The following MPZL1 variants were observed in gnomAD, a reference collection of about 807,000 sequenced individuals.
MPZL1 encodes the protein myelin protein zero-like protein 1.
MPZL1 carries 16 observed loss-of-function variants against 29.3 expected under a neutral mutation model. That is an observed-to-expected ratio of 0.55 (90% CI 0.37 to 0.83). The LOEUF (loss-of-function observed/expected upper bound fraction) is 0.83, where lower values mean the gene tolerates loss of function less well. Among genes scored for constraint, MPZL1 ranks in the 40% least tolerant of loss-of-function variants. The pLI, the probability that MPZL1 is intolerant of heterozygous loss-of-function variation, is 0.00. For synonymous variants in MPZL1, 143 were observed against 132.0 expected, an observed-to-expected ratio of 1.08 and a Z score of -0.57; for missense variants, 279 against 332.9, an observed-to-expected ratio of 0.84 and a Z score of 1.26.
rs1661621820 is a variant in MPZL1 at position 167,787,887 on chromosome 1, A to C, written c.776A>C (p.Glu259Ala). The C allele has an allele frequency of 6.2e-7, 1 of 1,613,566 alleles. No homozygotes were observed. The highest frequency in any genetic ancestry group is 8.5e-7 in the Non-Finnish European group (1 of 1,179,542). The change falls in exon 6 of 6, where the codon GAG becomes GCG. Residue 259 changes from glutamate (E) to alanine (A), a missense_variant. Glu to Ala is a moderately radical substitution (Grantham distance 107). Coordinates refer to ENST00000359523, the MANE Select transcript of MPZL1 (RefSeq NM_003953.6). ...GHHSDKINKSESVVYADIRKN is the reference protein window; with the variant it reads ...GHHSDKINKSASVVYADIRKN ...CACAGTGACAAGATTAACAAGTCAG[A>C]GTCTGTGGTGTATGCGGATATCCGA...
intron 1 of MPZL1, among the ~76,000 whole-genome samples, chr1:167,754,699 A>G (rs1660831478): frequency 6.6e-6 from 1 of 152,212 alleles, no homozygotes. Context: ...TTATTGTATA[A>G]TAGCATCGTA....
intron 1 of MPZL1, among the ~76,000 whole-genome samples, chr1:167,746,770 G>A (rs79708193): frequency 0.01 from 1,522 of 152,164 alleles, 30 homozygotes; most frequent in African/African-American, 0.035. Context: ...GCTGTTTTTG[G>A]CTTTTTCCTA....
At position 167,773,346 on chromosome 1, in the gene MPZL1, A is replaced by T. The variant is rs1259440402; in HGVS notation, c.583A>T (p.Asn195Tyr). 6 of 1,613,782 alleles carry T rather than the reference A, an allele frequency of 3.7e-6. No homozygotes were observed. Among genetic ancestry groups the T allele is most frequent in the Non-Finnish European group, 5.1e-6 (6 of 1,179,912 alleles). The change falls in exon 4 of 6, where the codon AAC becomes TAC. Residue 195 changes from asparagine to tyrosine, a missense_variant. Transcript: ENST00000359523. ...MILAVLYRRK[N>Y]SKRDYTGCST... ...TCTGGCTGTCCTCTATAGAAGGAAA[A>T]ACTCTAAACGGGATTACACTGGGTA...
At chr1:167,752,700 C>T (rs1345047877) in intron 1 of MPZL1, among the ~76,000 whole-genome samples, 1 of 152,172 alleles carries the variant, frequency 6.6e-6, no homozygotes, top group Non-Finnish European at 1.5e-5. Flanking sequence ...AGTGATGAAT[C>T]AGTGCTGATT....
chr1:167,773,361 T>C lies in MPZL1; in HGVS notation c.598T>C (p.Tyr200His). ...TAGAAGGAAAAACTCTAAACGGGATTACACTGGGTAAGAAACACTGTTTTT... is the reference window on the plus strand; with the variant it reads ...TAGAAGGAAAAACTCTAAACGGGATCACACTGGGTAAGAAACACTGTTTTT... ...LYRRKNSKRD[Y>H]TGCSTSESLS... The change falls in exon 4 of 6, where the codon TAC (tyrosine) becomes CAC (histidine). Residue 200 changes from tyrosine (Y) to histidine (H), a missense_variant. By Grantham distance (83) the Tyr-to-His change is moderately conservative (BLOSUM62 2). Transcript: ENST00000359523. The C allele has an allele frequency of 6.2e-7, 1 of 1,613,464 alleles. No homozygotes were observed. The highest frequency in any genetic ancestry group is 1.3e-5 in the African/African-American group (1 of 75,016).
At chr1:167,777,614 T>C (rs915269366) in intron 5 of MPZL1, among the ~76,000 whole-genome samples, 1 of 152,112 alleles carries the variant, frequency 6.6e-6, no homozygotes, top group Admixed American at 6.5e-5. Flanking sequence ...ACTTCAGAGA[T>C]TTGGAGCGGG....
At position 167,772,443 on chromosome 1, in the gene MPZL1, A is replaced by G. The variant is rs938557451; in HGVS notation, c.427A>G (p.Ile143Val). Residue 143 changes from isoleucine (I) to valine (V), a missense_variant, in exon 3 of 6, where the codon ATC becomes GTC. By Grantham distance (29) the Ile-to-Val change is conservative (BLOSUM62 3). Coordinates refer to ENST00000359523, the MANE Select transcript of MPZL1 (RefSeq NM_003953.6). ...YICDVKNPPD[I>V]VVQPGHIRLY... ...CTGTGATGTCAAAAACCCTCCTGAC[A>G]TCGTTGTCCAGCCTGGACACATTAG... is the stretch of plus-strand genomic sequence containing the variant. The G allele has an allele frequency of 1.2e-6, 2 of 1,614,202 alleles. No homozygotes were observed. Among genetic ancestry groups the G allele is most frequent in the Non-Finnish European group, 1.7e-6 (2 of 1,180,030 alleles).
chr1:167,774,742 G>C (rs1195781525), intron 4 of MPZL1: 2 of 152,092 alleles, frequency 1.3e-5, no homozygotes, highest in African/African-American at 2.4e-5. Flanking sequence ...TGGTGTGCTG[G>C]GATCAGATCC....
chr1:167,790,822 A>T lies in MPZL1; in HGVS notation c.*2901A>T, dbSNP rs1480448509. 6.6e-6 allele frequency: 1 copy of T among 152,036 alleles called. No individual in the cohort carries two copies. Among genetic ancestry groups the T allele is most frequent in the African/African-American group, 2.4e-5 (1 of 41,372 alleles). The allele number at this position is 152,036 out of a possible 1,614,324, so 9.4% of individuals were successfully genotyped here. A position where few individuals can be genotyped will look rare whatever the true frequency, so the allele number is the denominator to read the frequency against. On this transcript the variant is annotated 3_prime_UTR_variant, in exon 6 of 6. Coordinates refer to ENST00000359523, the MANE Select transcript of MPZL1 (RefSeq NM_003953.6). ...TTTAATACATCTTTTTCAATTTCTG[A>T]ATTGTGTTGTGTGCTCATTTTGACC...
intron 1 of MPZL1, among the ~76,000 whole-genome samples, chr1:167,745,808 T>C (rs534593805): frequency 2.0e-5 from 3 of 152,142 alleles, no homozygotes; most frequent in Non-Finnish European, 2.9e-5. Context: ...AAAACAATTA[T>C]TGAGATGTGT....
At chr1:167,729,186 C>A (rs1177373543) in intron 1 of MPZL1, among the ~76,000 whole-genome samples, 1 of 151,638 alleles carries the variant, frequency 6.6e-6, no homozygotes. Flanking sequence ...ATGAGAATCG[C>A]TTGAGCCTGG....
chr1:167,765,836 C>A, intron 2 of MPZL1, 87 bp downstream of exon 2: 1 of 1,272,644 alleles, frequency 7.9e-7, no homozygotes, highest in African/African-American at 1.5e-5. Flanking sequence ...TCTGATGGTT[C>A]ATTTCCAAAA....
At chr1:167,772,964 C>A (rs982967108) in intron 3 of MPZL1, among the ~76,000 whole-genome samples, 1 of 152,126 alleles carries the variant, frequency 6.6e-6, no homozygotes, top group Non-Finnish European at 1.5e-5. Context: ...GAGAGTAGAT[C>A]CAGGTAAATT....
intron 1 of MPZL1, among the ~76,000 whole-genome samples, chr1:167,728,173 G>T (rs1660191737): frequency 6.6e-6 from 1 of 151,376 alleles, no homozygotes; most frequent in Non-Finnish European, 1.5e-5. Flanking sequence ...CCGAGTAGCT[G>T]GGATTACAGG....
At chr1:167,770,669 T>A (rs190153239) in intron 2 of MPZL1, among the ~76,000 whole-genome samples, 21 of 152,356 alleles carry the variant, frequency 1.4e-4, no homozygotes, top group African/African-American at 4.8e-4. Context: ...AACTCAACAC[T>A]AAGCTTTCTG....
chr1:167,755,927 A>G (rs571594982), intron 1 of MPZL1, among the ~76,000 whole-genome samples: 1 of 152,258 alleles, frequency 6.6e-6, no homozygotes, highest in Admixed American at 6.5e-5. Context: ...TGAACAGTAC[A>G]TATATAGAGG....
At chr1:167,722,730 TTTG>T (rs1362919135) in intron 1 of MPZL1, among the ~76,000 whole-genome samples, 2 of 152,306 alleles carry the variant, frequency 1.3e-5, no homozygotes, top group East Asian at 3.9e-4. Flanking sequence ...AAGCCAGGGT[TTTG>T]TTGTAAGTTC....
intron 5 of MPZL1, among the ~76,000 whole-genome samples, chr1:167,778,105 G>A (rs955467219): frequency 5.9e-5 from 9 of 152,052 alleles, no homozygotes; most frequent in Admixed American, 2.0e-4. Context: ...GGTGGATCAC[G>A]AGGTCAGGAG....
intron 1 of MPZL1, among the ~76,000 whole-genome samples, chr1:167,724,556 A>T (rs1277172855): frequency 1.3e-5 from 2 of 152,208 alleles, no homozygotes; most frequent in African/African-American, 4.8e-5. Flanking sequence ...GGAAACATTG[A>T]TGCAGGCTTG....
Sources: allele counts gnomAD v4.1 joint callset (sites outside exome capture counted in the v4.1 genomes callset), GRCh38; gene constraint gnomAD v4.1.1; transcripts MANE v1.5; gene names NCBI Gene and HGNC (gene_info 2026-07-23, HGNC 2026-07-21).